Variants in IRF1 observed in about 807,000 individuals in gnomAD.
IRF1 encodes interferon regulatory factor 1.
A neutral mutation model predicts 43.7 loss-of-function variants in IRF1; 13 were observed. The ratio of observed to expected loss-of-function variants is 0.30; its 90% CI spans 0.19 to 0.47. The LOEUF (loss-of-function observed/expected upper bound fraction) is 0.47, where lower values mean the gene tolerates loss of function less well. Among genes scored for constraint, IRF1 ranks in the 20% least tolerant of loss-of-function variants. The pLI is 0.99. For missense variants in IRF1, 236 were observed against 408.9 expected (o/e 0.58, Z 3.65); for synonymous variants, 138 against 146.8 (o/e 0.94, Z 0.43).
intron 3 of IRF1, chr5:132,487,724 C>G: frequency 1.7e-6 from 1 of 581,132 alleles, no homozygotes. Context: ...TTTCTAAGAT[C>G]TTGGCTTTTC....
At chr5:132,486,468 T>A in intron 6 of IRF1, 89 bp downstream of exon 6, 1 of 1,610,716 alleles carries the variant, frequency 6.2e-7, no homozygotes, top group Non-Finnish European at 8.5e-7. Context: ...CCTGCACTAA[T>A]GGGCCACCAT....
chr5:132,484,339 A>T, intron 9 of IRF1, 23 bp downstream of exon 9: 1 of 1,613,082 alleles, frequency 6.2e-7, no homozygotes, highest in Non-Finnish European at 8.5e-7. Context: ...CTAAGAAGCC[A>T]TAAGGATCCA....
rs1429366733 is a variant in IRF1, at chr5:132,487,907, C to G, written c.187+19G>C. The stretch of plus-strand genomic sequence containing the variant: ...TGTCTCTACCCTGGGCTTCCTAGGC[C>G]TGAGTCCCAGGCACACACCTGTGTG... On this transcript the variant is annotated intron_variant, in intron 3 of 9. Transcript: ENST00000245414. 8 of 1,594,808 alleles carry G rather than the reference C, an allele frequency of 5.0e-6. No individual in the cohort carries two copies. Among genetic ancestry groups the G allele is most frequent in the Non-Finnish European group, 6.0e-6 (7 of 1,162,996 alleles).
rs1419205135 is a variant in IRF1, at chr5:132,486,233, G to A, written c.667+18C>T. The A allele has an allele frequency of 6.2e-7, 1 of 1,612,400 alleles. No homozygotes were observed. Among genetic ancestry groups the A allele is most frequent in the Admixed American group, 1.7e-5 (1 of 60,004 alleles). On this transcript the variant is annotated intron_variant, in intron 7 of 9. Transcript: ENST00000245414. ...CCCAGACAGTCAAGCAGGCAGGCCA[G>A]GCCCCAGGAGCACCAACCTTCAGAG...
chr5:132,489,252 C>T, intron 2 of IRF1, 140 bp downstream of exon 2: 1 of 683,908 alleles, frequency 1.5e-6, no homozygotes, highest in Non-Finnish European at 2.7e-6. Flanking sequence ...CGTGCACACT[C>T]CCTGCATGCA....
At chr5:132,489,625 G>T in intron 1 of IRF1, 142 bp from the exon 2 acceptor site, 1 of 616,038 alleles carries the variant, frequency 1.6e-6, no homozygotes. Context: ...GAGGGGAGCT[G>T]CGCTGGAATA....
At position 132,486,217 on chromosome 5, in the gene IRF1, T is replaced by C. The variant is rs544495153; in HGVS notation, c.667+34A>G. The C allele has an allele frequency of 1.6e-5, 25 of 1,609,914 alleles. No homozygotes were observed. In the African/African-American group the frequency reaches 3.2e-4, roughly 21 times the overall value. On this transcript the variant is annotated intron_variant, in intron 7 of 9. Transcript: ENST00000245414. ...GAAGCCCTTCACAGGACCCAGACAG[T>C]CAAGCAGGCAGGCCAGGCCCCAGGA...
chr5:132,486,988 C>A lies in IRF1; in HGVS notation c.330G>T (p.Arg110=), dbSNP rs375958407. Residue 110 remains arginine, a synonymous_variant, in exon 4 of 10, where the codon CGG becomes CGT. Transcript: ENST00000245414. ...GGTTCTTGGTGAGAGGTGGAAGCAT[C>A]CGGTACACTCGCACAGCTGAGCTGC... ...NKGSSAVRVY[R]MLPPLTKNQR... 41 of 1,614,062 alleles carry A rather than the reference C, an allele frequency of 2.5e-5. No homozygotes were observed. The highest frequency in any genetic ancestry group is 3.3e-5 in the Non-Finnish European group (39 of 1,180,038).
chr5:132,485,450 C>T (rs1754495819), intron 8 of IRF1: 2 of 591,770 alleles, frequency 3.4e-6, no homozygotes, highest in South Asian at 3.7e-5. Context: ...AGGCTTGCTT[C>T]AGGACGGCCT....
chr5:132,484,285 C>CCCTGCCCCCTGGT (rs2126836531), intron 9 of IRF1, 77 bp downstream of exon 9: 27 of 1,526,486 alleles, frequency 1.8e-5, no homozygotes, highest in Admixed American at 1.6e-4. Flanking sequence ...TGCTCCCTGG[C>CCCTGCCCCCTGGT]CCTGCCCCCA....
intron 2 of IRF1, chr5:132,488,606 G>A (rs1754608761): frequency 6.5e-6 from 1 of 153,438 alleles, no homozygotes; most frequent in Admixed American, 6.4e-5. Context: ...AGGATGTGTA[G>A]GGACACAGTG....
rs1197791653 is a variant in IRF1, at chr5:132,490,131, A to C, written c.-6+414T>G. ...CAGTAAGCCAGCCCTTGCCACCAGC[A>C]CAGGGAGCCCAAAACCTGTCGCCTG... is the stretch of plus-strand genomic sequence containing the variant. On this transcript the variant is annotated intron_variant, in intron 1 of 9. Coordinates refer to ENST00000245414, the MANE Select transcript of IRF1 (RefSeq NM_002198.3). This position sits in a 1 kb window ranked among gnomAD's most constrained non-coding sequence, Gnocchi z 5.8. The C allele has an allele frequency of 1.3e-5, 2 of 152,552 alleles. No individual in the cohort carries two copies. The allele number at this position is 152,552 out of a possible 1,614,324, so 9.4% of individuals were successfully genotyped here.
At chr5:132,487,454 G>T (rs1754565735) in intron 3 of IRF1, 1 of 393,308 alleles carries the variant, frequency 2.5e-6, no homozygotes, top group Middle Eastern at 7.7e-4. Context: ...AGCAGCCAGA[G>T]GGTAGAGTGG....
At chr5:132,487,516 T>C (rs1049834440) in intron 3 of IRF1, 2 of 346,568 alleles carry the variant, frequency 5.8e-6, no homozygotes, top group African/African-American at 2.1e-5. Flanking sequence ...CTGACTGTTC[T>C]GAGATGGGCC....
intron 8 of IRF1, chr5:132,485,409 T>C (rs1225085278): frequency 1.9e-6 from 1 of 524,752 alleles, no homozygotes; most frequent in Non-Finnish European, 3.5e-6. Context: ...TCGCTGATAG[T>C]GCCTGACTCA....
rs1001985007 is a variant in IRF1, at chr5:132,485,292, T to C, written c.717+375A>G. On this transcript the variant is annotated intron_variant, in intron 8 of 9. Transcript: ENST00000245414. The stretch of plus-strand genomic sequence containing the variant: ...TTTGCTAACTTTTTCTATAAAGCCA[T>C]CATCATATTAACGGATCCTAAAGGC... The C allele has an allele frequency of 2.4e-4, 48 of 198,062 alleles. 1 individual carries two copies. The highest frequency in any genetic ancestry group is 1.0e-3 in the African/African-American group (43 of 43,128). 12.3% of individuals were successfully genotyped at this position (198,062 alleles called of 1,614,324 possible). A position where few individuals can be genotyped will look rare whatever the true frequency, so the allele number is the denominator to read the frequency against.
At position 132,483,528 on chromosome 5, in the gene IRF1, T is replaced by C. The variant is rs1754442651; in HGVS notation, c.*423A>G. ...AGGGGGTAGTTCTTTGGGAACGAGA[T>C]TCATTTAGTGCAATTTTCTCTTAGT... is the stretch of plus-strand genomic sequence containing the variant. On this transcript the variant is annotated 3_prime_UTR_variant, in exon 10 of 10. Transcript: ENST00000245414. The C allele has an allele frequency of 6.2e-6, 1 of 162,104 alleles. No homozygotes were observed. The highest frequency in any genetic ancestry group is 1.4e-5 in the Non-Finnish European group (1 of 73,382). 10.0% of individuals were successfully genotyped at this position (162,104 alleles called of 1,614,324 possible).
In IRF1 at chr5:132,490,589, C is replaced by G. The variant is rs1754693048; in HGVS notation, c.-50G>C. 6.6e-6 allele frequency: 1 copy of G among 152,324 alleles called. No individual in the cohort carries two copies. Among genetic ancestry groups the G allele is most frequent in the East Asian group, 1.9e-4 (1 of 5,178 alleles). The allele number at this position is 152,324 out of a possible 1,614,324, so 9.4% of individuals were successfully genotyped here. A position where few individuals can be genotyped will look rare whatever the true frequency, so the allele number is the denominator to read the frequency against. On this transcript the variant is annotated 5_prime_UTR_variant, in exon 1 of 10. Transcript: ENST00000245414. This position sits in a 1 kb window ranked among gnomAD's most constrained non-coding sequence, Gnocchi z 5.8. ...CGGCGGTCGCGCGCGAGGGTCCCGG[C>G]GACGCAGGGGCTGCAGTGAGGGCGC... is the stretch of plus-strand genomic sequence containing the variant.
intron 9 of IRF1, 99 bp downstream of exon 9, chr5:132,484,263 G>T: frequency 6.7e-7 from 1 of 1,500,258 alleles, no homozygotes; most frequent in Non-Finnish European, 9.1e-7. Flanking sequence ...TACCCCAGAT[G>T]CTTTACCGCC....
Sources: allele counts gnomAD v4.1 joint callset, GRCh38; gene constraint gnomAD v4.1.1; non-coding constraint Gnocchi (gnomAD v3.1); transcripts MANE v1.5; gene names NCBI Gene and HGNC (gene_info 2026-07-23, HGNC 2026-07-21).